RBL2: variants seen among roughly 807,000 people sequenced by gnomAD.
The protein encoded by RBL2 is retinoblastoma-like protein 2.
In RBL2, 56 loss-of-function variants were observed where a neutral mutation model predicts 126.0. That is an observed-to-expected ratio of 0.44 (90% confidence interval 0.36 to 0.56). RBL2 has a LOEUF of 0.56. Among genes scored for constraint, RBL2 ranks in the 20% least tolerant of loss-of-function variants. The pLI is 0.00. For synonymous variants in RBL2, 454 were observed against 478.5 expected (o/e 0.95, Z 0.67); for missense variants, 1,229 against 1,398.2 (o/e 0.88, Z 1.93).
At chr16:53,470,362 G>T (rs564054623) in intron 15 of RBL2, 21 bp from the exon 16 acceptor site, 1 of 1,603,894 alleles carries the variant, frequency 6.2e-7, no homozygotes, top group African/African-American at 1.3e-5. Context: ...TTTTCTTCAT[G>T]CTTTTTTTCT....
At chr16:53,448,896 G>A (rs908433748) in intron 4 of RBL2, 2 of 152,208 alleles carry the variant, frequency 1.3e-5, no homozygotes, top group African/African-American at 4.8e-5. Context: ...TACTGGCTGT[G>A]AAGGCCTCTG....
At chr16:53,490,030 C>T in intron 21 of RBL2, 100 bp from the exon 22 acceptor site, 6 of 922,522 alleles carry the variant, frequency 6.5e-6, no homozygotes, top group Non-Finnish European at 8.9e-6. Flanking sequence ...TGTTCAAACT[C>T]TTCCAGGGTA....
At chr16:53,475,004 G>A (rs1960675198) in intron 17 of RBL2, among the ~76,000 whole-genome samples, 1 of 152,166 alleles carries the variant, frequency 6.6e-6, no homozygotes, top group Admixed American at 6.5e-5. Context: ...CTTGTGGGAA[G>A]TTTATTGGTG....
At chr16:53,481,886 G>A (rs1194101408) in intron 21 of RBL2, 51 bp downstream of exon 21, 6 of 1,522,472 alleles carry the variant, frequency 3.9e-6, no homozygotes, top group Non-Finnish European at 5.5e-6. Context: ...TGCTTCAGAT[G>A]CTAGAAACAG....
At chr16:53,483,856 G>C (rs1269308110) in intron 21 of RBL2, among the ~76,000 whole-genome samples, 1 of 151,256 alleles carries the variant, frequency 6.6e-6, no homozygotes, top group Non-Finnish European at 1.5e-5. Flanking sequence ...CAGCCTGGGG[G>C]ACAAGAGCAA....
chr16:53,440,754 A>G (rs1434731382), intron 2 of RBL2, among the ~76,000 whole-genome samples: 1 of 151,868 alleles, frequency 6.6e-6, no homozygotes, highest in Non-Finnish European at 1.5e-5. Context: ...GGGTTTCACC[A>G]TGTTGGCCAG....
rs937746246 is a variant in RBL2, at chr16:53,479,159, A to C, written c.2709A>C (p.Thr903=). 2 of 1,613,506 alleles carry C rather than the reference A, an allele frequency of 1.2e-6. No homozygotes were observed. The highest frequency in any genetic ancestry group is 1.7e-6 in the Non-Finnish European group (2 of 1,179,438). Residue 903 remains threonine, a synonymous_variant, in exon 18 of 22, where the codon ACA becomes ACC. Transcript: ENST00000262133. ...GCACTCTTATTGTTTGCCAGGTCACAAAAGAAGATAAGTCCTTCCAGAACA... is the reference window on the plus strand; with the variant it reads ...GCACTCTTATTGTTTGCCAGGTCACCAAAGAAGATAAGTCCTTCCAGAACA... The part of the protein sequence containing the change: ...MCAIYVMAKV[T]KEDKSFQNIM...
intron 3 of RBL2, among the ~76,000 whole-genome samples, chr16:53,446,631 A>G (rs1194034271): frequency 6.6e-6 from 1 of 152,184 alleles, no homozygotes; most frequent in Non-Finnish European, 1.5e-5. Flanking sequence ...ATAGTCTGGA[A>G]TATCTTTAAG....
Position 53,470,179 on chromosome 16 carries a change from G to C in RBL2, c.2239G>C (p.Val747Leu). 2 of 1,604,320 alleles carry C rather than the reference G, an allele frequency of 1.2e-6. No homozygotes were observed. Among genetic ancestry groups the C allele is most frequent in the South Asian group, 2.2e-5 (2 of 90,534 alleles). The stretch of plus-strand genomic sequence containing the variant: ...CAATGGGCAAACGGTAACCATTCCT[G>C]TGCAAGGTAAGGAAGGCAGAGTTGG... ...ANNGQTVTIP[V>L]QGIANENGGI... The change falls in exon 15 of 22, where the codon GTG (valine) becomes CTG (leucine). Residue 747 changes from valine (V) to leucine (L), a missense_variant. By Grantham distance (32) the Val-to-Leu change is conservative (BLOSUM62 1). This residue lies in a region of RBL2 where 1,070 missense variants were observed against 1,274.3 expected (regional missense o/e 0.84). Coordinates refer to ENST00000262133, the MANE Select transcript of RBL2 (RefSeq NM_005611.4).
intron 12 of RBL2, chr16:53,464,585 T>A (rs1265979313): frequency 2.7e-6 from 1 of 364,206 alleles, no homozygotes; most frequent in African/African-American, 2.1e-5. Flanking sequence ...TTGATTCCTC[T>A]CTATCTAATA....
intron 9 of RBL2, among the ~76,000 whole-genome samples, 181 bp downstream of exon 9, chr16:53,459,798 C>T (rs1017374840): frequency 6.6e-6 from 1 of 152,002 alleles, no homozygotes; most frequent in African/African-American, 2.4e-5. Context: ...GATCTTCTTT[C>T]CTTAGATTTC....
chr16:53,478,371 A>G (rs1485795188), intron 17 of RBL2, among the ~76,000 whole-genome samples: 1 of 152,066 alleles, frequency 6.6e-6, no homozygotes, highest in Non-Finnish European at 1.5e-5. Context: ...AAATTTGGGA[A>G]GTTTTCAGTA....
intron 8 of RBL2, among the ~76,000 whole-genome samples, chr16:53,457,257 G>GTTTTTTTTTTTTTT (rs1555566417): frequency 4.2e-5 from 3 of 70,592 alleles, no homozygotes; most frequent in African/African-American, 2.2e-4. Context: ...GGTACAGATA[G>GTTTTTTTTTTTTTT]CTTTTTTTTT....
At chr16:53,485,984 G>A (rs971655347) in intron 21 of RBL2, among the ~76,000 whole-genome samples, 2 of 151,834 alleles carry the variant, frequency 1.3e-5, no homozygotes, top group African/African-American at 4.8e-5. Context: ...AAAGTATAAT[G>A]AAAGATAAAG....
At chr16:53,477,008 G>A (rs1182634397) in intron 17 of RBL2, among the ~76,000 whole-genome samples, 1 of 151,940 alleles carries the variant, frequency 6.6e-6, no homozygotes, top group African/African-American at 2.4e-5. Context: ...TTTGCATTAG[G>A]TCAATATTTT....
At chr16:53,464,604 T>C (rs2058253996) in intron 12 of RBL2, 1 of 311,020 alleles carries the variant, frequency 3.2e-6, no homozygotes, top group Admixed American at 5.0e-5. Context: ...TAAAAGTTTT[T>C]AGAATACTGT....
At chr16:53,446,338 A>AGT (rs10633552) in intron 3 of RBL2, among the ~76,000 whole-genome samples, 84,527 of 151,922 alleles carry the variant, frequency 0.56, 26,562 homozygotes, top group African/African-American at 0.86. Context: ...CAGGTGAGCA[A>AGT]GTACCCTAGC....
intron 17 of RBL2, among the ~76,000 whole-genome samples, chr16:53,477,349 CTTTT>C (rs1299014787): frequency 6.6e-6 from 1 of 151,770 alleles, no homozygotes; most frequent in Non-Finnish European, 1.5e-5. Flanking sequence ...TTCTTTCTTT[CTTTT>C]TTAAGACTGA....
intron 21 of RBL2, among the ~76,000 whole-genome samples, chr16:53,482,740 G>A (rs1961003219): frequency 1.3e-5 from 2 of 151,646 alleles, no homozygotes; most frequent in African/African-American, 4.8e-5. Context: ...AACCCAGGAG[G>A]TGGAGGTTGC....
Sources: allele counts gnomAD v4.1 joint callset (sites outside exome capture counted in the v4.1 genomes callset), GRCh38; gene constraint gnomAD v4.1.1; regional missense constraint gnomAD v4.1.1; transcripts MANE v1.5; gene names NCBI Gene and HGNC (gene_info 2026-07-23, HGNC 2026-07-21).